GRM7: variants seen among roughly 807,000 people sequenced by gnomAD.
GRM7 encodes the protein glutamate metabotropic receptor 7, also known as metabotropic glutamate receptor 7.
Under a neutral mutation model 84.5 loss-of-function variants are expected in GRM7, and 35 were observed. The observed-to-expected ratio is 0.41, with a 90% CI of 0.32 to 0.55. The LOEUF is 0.55. GRM7 is among the 20% of genes least tolerant of loss of function. The pLI is 0.19. For synonymous variants in GRM7, 487 were observed against 455.1 expected (o/e 1.07, Z -0.89); for missense variants, 1,003 against 1,194.6 (o/e 0.84, Z 2.36).
intron 2 of GRM7, among the ~76,000 whole-genome samples, chr3:7,255,500 C>A (rs1350741689): frequency 6.6e-6 from 1 of 152,210 alleles, no homozygotes; most frequent in Non-Finnish European, 1.5e-5. Context: ...TGATGTGTTA[C>A]AAAAGACTGC....
intron 2 of GRM7, among the ~76,000 whole-genome samples, chr3:7,172,539 T>C (rs1695015964): frequency 7.0e-6 from 1 of 143,710 alleles, no homozygotes; most frequent in Non-Finnish European, 1.5e-5. Context: ...CCATATGTAG[T>C]CTTCCCCCCC....
chr3:7,566,657 TAA>T (rs34817796), intron 7 of GRM7, among the ~76,000 whole-genome samples: 1 of 151,058 alleles, frequency 6.6e-6, no homozygotes, highest in Non-Finnish European at 1.5e-5. Context: ...TGACACTGAA[TAA>T]AAAAAAAGAT....
At chr3:7,204,626 G>A (rs957953315) in intron 2 of GRM7, among the ~76,000 whole-genome samples, 3 of 152,150 alleles carry the variant, frequency 2.0e-5, no homozygotes, top group Admixed American at 1.3e-4. Flanking sequence ...AGTGCTAGGT[G>A]GGCAAATAAC....
At chr3:6,916,543 G>A (rs953861628) in intron 1 of GRM7, among the ~76,000 whole-genome samples, 1 of 152,126 alleles carries the variant, frequency 6.6e-6, no homozygotes, top group Non-Finnish European at 1.5e-5. Context: ...CACAATCAAG[G>A]TGCCAGCAGA....
chr3:7,038,845 G>C (rs1415356188), intron 1 of GRM7, among the ~76,000 whole-genome samples: 1 of 152,138 alleles, frequency 6.6e-6, no homozygotes, highest in Non-Finnish European at 1.5e-5. Context: ...AGTAAATAAA[G>C]CTTCCACCCC....
intron 1 of GRM7, among the ~76,000 whole-genome samples, chr3:6,998,194 C>A (rs1694891912): frequency 6.8e-6 from 1 of 146,402 alleles, no homozygotes; most frequent in South Asian, 2.2e-4. Flanking sequence ...TTAAATACAC[C>A]CATTCCAAAT....
At chr3:7,394,157 T>G (rs947562624) in intron 4 of GRM7, among the ~76,000 whole-genome samples, 1 of 152,198 alleles carries the variant, frequency 6.6e-6, no homozygotes, top group African/African-American at 2.4e-5. Flanking sequence ...AACCCAGATA[T>G]GTCTGATTCC....
intron 1 of GRM7, among the ~76,000 whole-genome samples, chr3:7,123,836 T>C (rs1466482486): frequency 6.6e-6 from 1 of 152,210 alleles, no homozygotes; most frequent in Non-Finnish European, 1.5e-5. Context: ...ATAAAATCTT[T>C]CTTGACCTGC....
At chr3:7,217,402 T>C (rs541892221) in intron 2 of GRM7, among the ~76,000 whole-genome samples, 90 of 152,304 alleles carry the variant, frequency 5.9e-4, no homozygotes, top group Admixed American at 5.8e-3. Context: ...TTTTCCATTC[T>C]GGTTCAGAGT....
intron 9 of GRM7, among the ~76,000 whole-genome samples, chr3:7,718,399 G>C (rs543565988): frequency 1.3e-5 from 2 of 152,242 alleles, no homozygotes; most frequent in Non-Finnish European, 2.9e-5. Context: ...CTCACTGACT[G>C]TTTATAAAGG....
At chr3:7,171,833 G>A (rs780564130) in intron 2 of GRM7, among the ~76,000 whole-genome samples, 3 of 152,218 alleles carry the variant, frequency 2.0e-5, no homozygotes, top group African/African-American at 4.8e-5. Flanking sequence ...TGCATCACAT[G>A]CTGTTGGGTG....
At chr3:6,994,684 A>T (rs1254847710) in intron 1 of GRM7, among the ~76,000 whole-genome samples, 1 of 152,170 alleles carries the variant, frequency 6.6e-6, no homozygotes, top group African/African-American at 2.4e-5. Context: ...TTGCTTGCTG[A>T]ACAGGTTTTA....
intron 1 of GRM7, among the ~76,000 whole-genome samples, chr3:7,022,693 A>G (rs1695459): frequency 0.99 from 151,128 of 152,120 alleles, 75,076 homozygotes; most frequent in African/African-American, 1. Flanking sequence ...TTTGGAAGAA[A>G]GAGCCCATGA....
At chr3:7,557,447 A>G (rs958125865) in intron 7 of GRM7, among the ~76,000 whole-genome samples, 1 of 152,176 alleles carries the variant, frequency 6.6e-6, no homozygotes, top group Non-Finnish European at 1.5e-5. Flanking sequence ...ATTAGAAAGT[A>G]TTTGTCAAGT....
chr3:7,639,821 T>C (rs1698279749), intron 8 of GRM7, among the ~76,000 whole-genome samples: 1 of 152,150 alleles, frequency 6.6e-6, no homozygotes. Context: ...AAGATATAGA[T>C]TTCCATCACT....
In GRM7 at chr3:7,477,855, A is replaced by G. The variant is rs145279145; in HGVS notation, c.1515+16133A>G. Among the ~76,000 whole-genome samples, 544 of 152,296 alleles carry G rather than the reference A, an allele frequency of 3.6e-3. 1 individual carries two copies. The highest frequency in any genetic ancestry group is 0.012 in the African/African-American group (491 of 41,564). ...GCATGTATTCAGCATACCTTGGTCC[A>G]TGTCAATTTCTGTTCTAAAGCATGG... On this transcript the variant is annotated intron_variant, in intron 7 of 9. Coordinates refer to ENST00000357716, the MANE Select transcript of GRM7 (RefSeq NM_000844.4).
intron 7 of GRM7, among the ~76,000 whole-genome samples, chr3:7,514,460 T>TG (rs1700310119): frequency 1.3e-5 from 2 of 152,212 alleles, no homozygotes; most frequent in South Asian, 4.1e-4. Flanking sequence ...TTCAGAAGTT[T>TG]GGTCAAAGGA....
At chr3:7,394,394 A>G (rs1471304135) in intron 4 of GRM7, among the ~76,000 whole-genome samples, 1 of 152,228 alleles carries the variant, frequency 6.6e-6, no homozygotes, top group African/African-American at 2.4e-5. Flanking sequence ...TTGTGAGATC[A>G]TCTGGCCTGG....
At chr3:7,415,197 T>G (rs200551997) in intron 5 of GRM7, 34 bp downstream of exon 5, 1,207 of 1,585,824 alleles carry the variant, frequency 7.6e-4, no homozygotes, top group Non-Finnish European at 9.8e-4. Flanking sequence ...CTCCTATTAC[T>G]CTACGTGGCT....
Sources: gnomAD v4.1 joint callset for allele counts (sites outside exome capture counted in the v4.1 genomes callset) on GRCh38, gnomAD v4.1.1 for gene constraint, MANE v1.5 for transcripts, NCBI Gene and HGNC (gene_info 2026-07-23, HGNC 2026-07-21) for gene names.